The following TLE3 variants were observed in gnomAD, a reference collection of about 807,000 sequenced individuals.
TLE3 encodes TLE family member 3, transcriptional corepressor, also known as transducin-like enhancer protein 3.
Under a neutral mutation model 93.0 loss-of-function variants are expected in TLE3, and 14 were observed. That is an observed-to-expected ratio of 0.15 (90% CI 0.10 to 0.24). TLE3 has a LOEUF of 0.24. Ranked by LOEUF, TLE3 falls within the 10% of genes least tolerant of loss-of-function variation. The pLI is 1.00. For synonymous variants in TLE3, 451 were observed against 425.0 expected (o/e 1.06, Z -0.75); for missense variants, 693 against 1,046.6 (o/e 0.66, Z 4.66).
intron 19 of TLE3, chr15:70,050,708 G>GA (rs1475864822): frequency 6.4e-6 from 1 of 155,930 alleles, no homozygotes; most frequent in African/African-American, 2.4e-5. Context: ...CCTGGGTCCA[G>GA]AAAGCGGCAT....
intron 4 of TLE3, among the ~76,000 whole-genome samples, chr15:70,086,170 CAGGAAG>C (rs2058028571): frequency 1.3e-5 from 2 of 152,124 alleles, no homozygotes; most frequent in African/African-American, 4.8e-5. Flanking sequence ...GGACAGAGGC[CAGGAAG>C]GTTAATAGAA....
At chr15:70,069,376 G>A (rs984644291) in intron 6 of TLE3, among the ~76,000 whole-genome samples, 2 of 152,194 alleles carry the variant, frequency 1.3e-5, no homozygotes, top group East Asian at 3.8e-4. Flanking sequence ...CCAGTGAACC[G>A]ACGTCAGAAA....
intron 3 of TLE3, 93 bp downstream of exon 3, chr15:70,095,485 T>G (rs1239029556): frequency 6.5e-7 from 1 of 1,546,524 alleles, no homozygotes; most frequent in South Asian, 1.2e-5. Context: ...TGGGCGGTGG[T>G]GGGGACCTGG....
chr15:70,052,082 G>T (rs1474741713), intron 18 of TLE3, among the ~76,000 whole-genome samples: 1 of 152,160 alleles, frequency 6.6e-6, no homozygotes. Context: ...CCATGGAGAG[G>T]AACTGCCTGC....
chr15:70,083,774 C>A (rs180783343), intron 4 of TLE3, among the ~76,000 whole-genome samples: 4 of 152,070 alleles, frequency 2.6e-5, no homozygotes, highest in Admixed American at 6.5e-5. Context: ...GGTCTCCCCC[C>A]ATCAGGTCAG....
intron 6 of TLE3, among the ~76,000 whole-genome samples, chr15:70,073,756 C>A (rs577956096): frequency 1.8e-4 from 27 of 152,336 alleles, no homozygotes; most frequent in African/African-American, 6.5e-4. Context: ...GACTCTTCTT[C>A]CTCAGGTGCT....
chr15:70,087,426 C>G (rs2058083984), intron 4 of TLE3, among the ~76,000 whole-genome samples: 1 of 152,224 alleles, frequency 6.6e-6, no homozygotes. Context: ...CAATCAAGTG[C>G]TACAGAAATT....
rs192279307 is a variant in TLE3, at chr15:70,073,163, A to C, written c.372+1370T>G. ...CAGTGTGATGGAAGGGCCGGTGTCC[A>C]TAAGTGTCATTCTGTGATTCCAGCC... On this transcript the variant is annotated intron_variant, in intron 6 of 19. Transcript: ENST00000451782. Among the ~76,000 whole-genome samples the C allele has an allele frequency of 2.6e-5, 4 of 152,222 alleles. No homozygotes were observed. The East Asian group carries it at 7.7e-4, about 29-fold the overall frequency.
At chr15:70,096,437 C>G in intron 1 of TLE3, 176 bp from the exon 2 acceptor site, 2 of 1,253,128 alleles carry the variant, frequency 1.6e-6, no homozygotes, top group Non-Finnish European at 1.1e-6. Context: ...CATCTCTCCC[C>G]GTCGGCAGCG....
intron 16 of TLE3, chr15:70,054,140 G>C: frequency 3.2e-6 from 1 of 308,240 alleles, no homozygotes; most frequent in Non-Finnish European, 6.0e-6. Flanking sequence ...TGGTCTCTGG[G>C]GCTCTGCTCC....
chr15:70,052,308 T>C, intron 18 of TLE3, 66 bp downstream of exon 18: 1 of 1,582,870 alleles, frequency 6.3e-7, no homozygotes, highest in Non-Finnish European at 8.6e-7. Flanking sequence ...TCTTCTGTCC[T>C]GTTGGGCCAG....
rs762563475 is a variant in TLE3, at chr15:70,056,405, A to G, written c.1252-31T>C. The G allele has an allele frequency of 2.5e-6, 4 of 1,599,608 alleles. No individual in the cohort carries two copies. The South Asian group carries it at 4.4e-5, about 18-fold the overall frequency. The stretch of plus-strand genomic sequence containing the variant: ...AAGCAAGGCAAGACAGCCCTCCATC[A>G]GCCGTGCTGCCACACACCCCCACCC... On this transcript the variant is annotated intron_variant, in intron 13 of 19. Transcript: ENST00000451782.
chr15:70,060,492 A>G (rs1056393159), intron 9 of TLE3, 38 bp downstream of exon 9: 3 of 1,611,362 alleles, frequency 1.9e-6, no homozygotes, highest in South Asian at 1.1e-5. Flanking sequence ...GCCCTACCCA[A>G]CAGAAACCCC....
chr15:70,094,650 G>T, intron 3 of TLE3, 74 bp from the exon 4 acceptor site: 2 of 1,183,622 alleles, frequency 1.7e-6, no homozygotes. Context: ...TTTTTTCTTG[G>T]AAAGGTTTTG....
chr15:70,095,948 C>T, intron 2 of TLE3: 1 of 676,782 alleles, frequency 1.5e-6, no homozygotes, highest in Non-Finnish European at 2.4e-6. Context: ...GACCCTCATT[C>T]GGGGACCCCA....
chr15:70,058,182 T>C lies in TLE3; in HGVS notation c.1028A>G (p.Lys343Arg), dbSNP rs1411628877. 1.2e-6 allele frequency: 2 copies of C among 1,613,950 alleles called. No homozygotes were observed. The highest frequency in any genetic ancestry group is 2.2e-5 in the South Asian group (2 of 91,078). ...ACCTATCGGGTCCATGCCCGGAGGTTTACCCGGCATCGACCTGAGCCCTGG... is the reference window on the plus strand; with the variant it reads ...ACCTATCGGGTCCATGCCCGGAGGTCTACCCGGCATCGACCTGAGCCCTGG... ...TTPGLRSMPGKPPGMDPIASA... is the reference protein window; with the variant it reads ...TTPGLRSMPGRPPGMDPIASA... Residue 343 changes from lysine (K) to arginine (R), a missense_variant, in exon 12 of 20, where the codon AAA becomes AGA. Coordinates refer to ENST00000451782, the MANE Select transcript of TLE3 (RefSeq NM_001105192.3). This position sits in a 1 kb window ranked among gnomAD's most constrained non-coding sequence, Gnocchi z 4.1.
chr15:70,072,472 T>TA (rs1278197775), intron 6 of TLE3, among the ~76,000 whole-genome samples: 2 of 151,926 alleles, frequency 1.3e-5, no homozygotes, highest in Non-Finnish European at 2.9e-5. Flanking sequence ...ATTCACAAGG[T>TA]ATGTCCCAAC....
rs142211044 is a variant in TLE3 at position 70,052,834 on chromosome 15, T to C, written c.1975-310A>G. On this transcript the variant is annotated intron_variant, in intron 17 of 19. Transcript: ENST00000451782. ...TAAAGTGAGGAATGCAAATAAGAAA[T>C]AATAATCCCTGGCATTTACTGAATG... The C allele has an allele frequency of 1.6e-4, 48 of 302,608 alleles. No homozygotes were observed. The East Asian group carries it at 2.4e-3, about 15-fold the overall frequency. 18.7% of individuals were successfully genotyped at this position (302,608 alleles called of 1,614,324 possible). A position where few individuals can be genotyped will look rare whatever the true frequency, so the allele number is the denominator to read the frequency against.
In TLE3 at chr15:70,094,560, T is replaced by C; in HGVS notation, c.206A>G (p.Tyr69Cys). 1 of 1,558,846 alleles carries C rather than the reference T, an allele frequency of 6.4e-7. No homozygotes were observed. The highest frequency in any genetic ancestry group is 8.7e-7 in the Non-Finnish European group (1 of 1,151,932). The change falls in exon 4 of 20, where the codon TAT (tyrosine) becomes TGT (cysteine). Residue 69 changes from tyrosine (Y) to cysteine (C), a missense_variant. Tyr to Cys is a radical substitution (Grantham distance 194, BLOSUM62 -2). Coordinates refer to ENST00000451782, the MANE Select transcript of TLE3 (RefSeq NM_001105192.3). ...RHYVMYYEMS[Y>C]GLNIEMHKQT... ...CTTGTGCATTTCAATGTTCAAGCCA[T>C]AGGACATCTCATAGTACTAAAAGTA...
Sources: allele counts gnomAD v4.1 joint callset (sites outside exome capture counted in the v4.1 genomes callset), GRCh38; gene constraint gnomAD v4.1.1; non-coding constraint Gnocchi (gnomAD v3.1); transcripts MANE v1.5; gene names NCBI Gene and HGNC (gene_info 2026-07-23, HGNC 2026-07-21).